Variants in MLLT3 observed in about 807,000 individuals in gnomAD.
The protein encoded by MLLT3 is protein AF-9.
Under a neutral mutation model 53.2 loss-of-function variants are expected in MLLT3, and 4 were observed. The ratio of observed to expected loss-of-function variants is 0.08; its 90% CI spans 0.04 to 0.17. The LOEUF (loss-of-function observed/expected upper bound fraction) is 0.17, where lower values mean the gene tolerates loss of function less well. Among genes scored for constraint, MLLT3 ranks in the 10% least tolerant of loss-of-function variants. The pLI is 1.00. For missense variants in MLLT3, 569 were observed against 684.0 expected (o/e 0.83, Z 1.87); for synonymous variants, 283 against 230.6 (o/e 1.23, Z -2.06).
At chr9:20,516,135 A>AT (rs1020432737) in intron 2 of MLLT3, among the ~76,000 whole-genome samples, 3 of 152,168 alleles carry the variant, frequency 2.0e-5, no homozygotes, top group African/African-American at 7.2e-5. Context: ...ACTGCCTCAG[A>AT]TATCTCCTGA....
intron 2 of MLLT3, among the ~76,000 whole-genome samples, chr9:20,619,917 A>G (rs770547295): frequency 2.0e-4 from 30 of 152,186 alleles, no homozygotes; most frequent in Non-Finnish European, 2.9e-4. Flanking sequence ...TCTTCAACTT[A>G]GCTTCGACCT....
At chr9:20,608,057 ACTT>A (rs796755748) in intron 2 of MLLT3, among the ~76,000 whole-genome samples, 13 of 152,048 alleles carry the variant, frequency 8.5e-5, no homozygotes, top group African/African-American at 3.1e-4. Flanking sequence ...AAAAAGGACC[ACTT>A]CTTTCTCTGC....
intron 5 of MLLT3, among the ~76,000 whole-genome samples, chr9:20,379,789 A>T (rs983221731): frequency 3.9e-5 from 6 of 152,024 alleles, no homozygotes; most frequent in African/African-American, 1.4e-4. Context: ...TGATGGATCT[A>T]AACAGAAGTT....
chr9:20,363,237 G>A (rs536965201), intron 7 of MLLT3: 1 of 415,346 alleles, frequency 2.4e-6, no homozygotes, highest in Non-Finnish European at 4.2e-6. Context: ...CAAGGACAAG[G>A]ACATCTAATG....
At chr9:20,523,516 C>T (rs566570023) in intron 2 of MLLT3, among the ~76,000 whole-genome samples, 2 of 152,126 alleles carry the variant, frequency 1.3e-5, no homozygotes, top group South Asian at 4.1e-4. Context: ...ACCTCCACCA[C>T]ACAATGGAAT....
intron 5 of MLLT3, among the ~76,000 whole-genome samples, chr9:20,384,412 A>G (rs997627558): frequency 1.3e-5 from 2 of 152,034 alleles, no homozygotes; most frequent in Admixed American, 1.3e-4. Context: ...AAAAACTACA[A>G]TCACTACATA....
rs1823758659 is a variant in MLLT3 at position 20,448,392 on chromosome 9, G to A, written c.277-126C>T. 1.6e-5 allele frequency: 12 copies of A among 729,724 alleles called. No individual in the cohort carries two copies. The highest frequency in any genetic ancestry group is 2.5e-5 in the Non-Finnish European group (12 of 470,628). The allele number at this position is 729,724 out of a possible 1,614,324, so 45.2% of individuals were successfully genotyped here. ...GACATCTAACAGCTAAACTGTCAAA[G>A]TAGTACTGGGAAAAAAAAAAGTATC... On this transcript the variant is annotated intron_variant, in intron 3 of 10. Transcript: ENST00000380338. This position sits in a 1 kb window ranked among gnomAD's most constrained non-coding sequence, Gnocchi z 4.0.
At chr9:20,436,854 T>C (rs997789260) in intron 4 of MLLT3, among the ~76,000 whole-genome samples, 3 of 152,194 alleles carry the variant, frequency 2.0e-5, no homozygotes, top group African/African-American at 7.2e-5. Flanking sequence ...CTAAATGTAT[T>C]AAAAATAATG....
At position 20,622,435 on chromosome 9, in the gene MLLT3, T is replaced by C. The variant is rs1821048671; in HGVS notation, c.-179A>G. 1.7e-6 allele frequency: 1 copy of C among 581,180 alleles called. No individual in the cohort carries two copies. Among genetic ancestry groups the C allele is most frequent in the South Asian group, 2.3e-5 (1 of 42,688 alleles). 36.0% of individuals were successfully genotyped at this position (581,180 alleles called of 1,614,324 possible). A position where few individuals can be genotyped will look rare whatever the true frequency, so the allele number is the denominator to read the frequency against. ...GCTCGCTTGCTCGCTCGCTCGCTTA[T>C]TAAACTCAGCCCCAAAAGCAAAAGC... On this transcript the variant is annotated 5_prime_UTR_variant, in exon 1 of 11. Coordinates refer to ENST00000380338, the MANE Select transcript of MLLT3 (RefSeq NM_004529.4).
At chr9:20,616,283 G>A (rs960439600) in intron 2 of MLLT3, among the ~76,000 whole-genome samples, 2 of 152,116 alleles carry the variant, frequency 1.3e-5, no homozygotes, top group Admixed American at 6.5e-5. Flanking sequence ...ATACAAGTCT[G>A]TAATTCCTAA....
Position 20,576,705 on chromosome 9 carries a change from C to T in MLLT3, c.193+43949G>A, listed in dbSNP as rs116856658. ...CGATCACTGATCACCATAACAGATACGATAATAATGAAAAATTCTGATATA... is the reference window on the plus strand; with the variant it reads ...CGATCACTGATCACCATAACAGATATGATAATAATGAAAAATTCTGATATA... On this transcript the variant is annotated intron_variant, in intron 2 of 10. Coordinates refer to ENST00000380338, the MANE Select transcript of MLLT3 (RefSeq NM_004529.4). Among the ~76,000 whole-genome samples the T allele has an allele frequency of 6.7e-3, 1,021 of 151,956 alleles. 11 individuals are homozygous for T. Among genetic ancestry groups the T allele is most frequent in the Admixed American group, 0.019 (288 of 15,262 alleles).
At chr9:20,346,818 C>G (rs1820882629) in intron 10 of MLLT3, among the ~76,000 whole-genome samples, 1 of 152,032 alleles carries the variant, frequency 6.6e-6, no homozygotes, top group Non-Finnish European at 1.5e-5. Context: ...AAACTGATGT[C>G]TGCTTTCAAG....
chr9:20,344,508 CA>C lies in MLLT3; in HGVS notation c.*1934del, dbSNP rs1820817032. 4.6e-6 allele frequency: 1 copy of C among 219,272 alleles called. No individual in the cohort carries two copies. The highest frequency in any genetic ancestry group is 9.2e-6 in the Non-Finnish European group (1 of 109,144). 13.6% of individuals were successfully genotyped at this position (219,272 alleles called of 1,614,324 possible). On this transcript the variant is annotated 3_prime_UTR_variant, in exon 11 of 11. Transcript: ENST00000380338. Reference sequence around the variant, plus strand: ...CAATCACCTAATGTCCAAAATGACTCAAAGTTTCTCTGCACATCAAGAAGTG... The same window carrying C: ...CAATCACCTAATGTCCAAAATGACTCAAGTTTCTCTGCACATCAAGAAGTG...
chr9:20,561,526 T>C (rs919151668), intron 2 of MLLT3, among the ~76,000 whole-genome samples: 7 of 152,300 alleles, frequency 4.6e-5, no homozygotes, highest in African/African-American at 1.4e-4. Flanking sequence ...AAGACAATCA[T>C]TGCATTCCAG....
chr9:20,436,040 C>T (rs530469606), intron 4 of MLLT3, among the ~76,000 whole-genome samples: 14 of 152,156 alleles, frequency 9.2e-5, no homozygotes, highest in African/African-American at 3.4e-4. Context: ...CTACCCTGAG[C>T]GGAAAATCTT....
At chr9:20,619,513 T>A (rs1820933125) in intron 2 of MLLT3, among the ~76,000 whole-genome samples, 1 of 152,204 alleles carries the variant, frequency 6.6e-6, no homozygotes, top group Admixed American at 6.5e-5. Context: ...GGATTTATTA[T>A]GATATTACTC....
At chr9:20,609,707 T>C (rs529135720) in intron 2 of MLLT3, among the ~76,000 whole-genome samples, 142 of 152,250 alleles carry the variant, frequency 9.3e-4, no homozygotes, top group Non-Finnish European at 1.7e-3. Flanking sequence ...GGCACCGATA[T>C]GATCAGAAAT....
At chr9:20,583,920 A>G (rs937474230) in intron 2 of MLLT3, among the ~76,000 whole-genome samples, 3 of 152,078 alleles carry the variant, frequency 2.0e-5, no homozygotes, top group African/African-American at 7.2e-5. Context: ...ACTTATGCAA[A>G]TTTCTGTAGA....
intron 4 of MLLT3, among the ~76,000 whole-genome samples, chr9:20,444,171 G>T (rs968321963): frequency 6.6e-6 from 1 of 152,034 alleles, no homozygotes. Context: ...AGTGATAAGG[G>T]AATAGAGAGA....
Sources: gnomAD v4.1 joint callset for allele counts (sites outside exome capture counted in the v4.1 genomes callset) on GRCh38, gnomAD v4.1.1 for gene constraint, Gnocchi (gnomAD v3.1) non-coding constraint, MANE v1.5 for transcripts, NCBI Gene and HGNC (gene_info 2026-07-23, HGNC 2026-07-21) for gene names.